SMCHD1: variants seen among roughly 807,000 people sequenced by gnomAD.
SMCHD1 encodes the protein structural maintenance of chromosomes flexible hinge domain-containing protein 1.
A neutral mutation model predicts 254.7 loss-of-function variants in SMCHD1; 78 were observed. The ratio of observed to expected loss-of-function variants is 0.31; its 90% confidence interval spans 0.26 to 0.37. The LOEUF is 0.37. Among genes scored for constraint, SMCHD1 ranks in the 10% least tolerant of loss-of-function variants. SMCHD1 has a pLI of 1.00. For synonymous variants in SMCHD1, 766 were observed against 794.9 expected (o/e 0.96, Z 0.61); for missense variants, 1,840 against 2,408.1 (o/e 0.76, Z 4.94).
At chr18:2,749,888 C>T (rs1381060015) in intron 30 of SMCHD1, among the ~76,000 whole-genome samples, 155 bp from the exon 31 acceptor site, 3 of 152,088 alleles carry the variant, frequency 2.0e-5, no homozygotes, top group Non-Finnish European at 4.4e-5. Flanking sequence ...CTACATTATT[C>T]CAACTAGTTC....
intron 25 of SMCHD1, among the ~76,000 whole-genome samples, chr18:2,734,445 T>G (rs1268815073): frequency 1.3e-5 from 2 of 151,942 alleles, no homozygotes; most frequent in Non-Finnish European, 2.9e-5. Flanking sequence ...CACTTCTTCA[T>G]TGACAGTAAA....
rs866202468 is a variant in SMCHD1 at position 2,680,110 on chromosome 18, T to C, written c.638+5965T>C. On this transcript the variant is annotated intron_variant, in intron 5 of 47. Transcript: ENST00000320876. ...TGAAATACATTTCTTATACTTTCTTTTAGTTCATTAGACATGGTTTCTGTT... is the reference window on the plus strand; with the variant it reads ...TGAAATACATTTCTTATACTTTCTTCTAGTTCATTAGACATGGTTTCTGTT... Among the ~76,000 whole-genome samples the C allele has an allele frequency of 1.1e-4, 17 of 152,352 alleles. No individual in the cohort carries two copies. In the Middle Eastern group the frequency reaches 0.01, roughly 91 times the overall value.
intron 5 of SMCHD1, among the ~76,000 whole-genome samples, chr18:2,682,597 T>C (rs1348952330): frequency 6.6e-6 from 1 of 152,164 alleles, no homozygotes; most frequent in Non-Finnish European, 1.5e-5. Context: ...GCTGGGATTA[T>C]GGGCGTGAGC....
At chr18:2,679,558 C>T (rs2073877484) in intron 5 of SMCHD1, among the ~76,000 whole-genome samples, 1 of 148,678 alleles carries the variant, frequency 6.7e-6, no homozygotes, top group South Asian at 2.1e-4. Context: ...CGTTCACTGC[C>T]TTCTGGCTTT....
intron 5 of SMCHD1, among the ~76,000 whole-genome samples, chr18:2,683,647 T>C (rs2073978066): frequency 6.6e-6 from 1 of 152,214 alleles, no homozygotes; most frequent in Non-Finnish European, 1.5e-5. Context: ...GTTGATGATA[T>C]TATTCATTTC....
At chr18:2,783,326 G>T (rs1466308644) in intron 44 of SMCHD1, among the ~76,000 whole-genome samples, 1 of 152,094 alleles carries the variant, frequency 6.6e-6, no homozygotes, top group Non-Finnish European at 1.5e-5. Context: ...CTTTGAGAAG[G>T]GCTGTCCCAG....
chr18:2,771,720 A>G, intron 40 of SMCHD1, 102 bp downstream of exon 40: 1 of 919,792 alleles, frequency 1.1e-6, no homozygotes, highest in Non-Finnish European at 1.6e-6. Flanking sequence ...TTGTTGTTTT[A>G]GGGTACAAAG....
chr18:2,700,724 T>G lies in SMCHD1; in HGVS notation c.1464-11T>G. ...AATTCTTTTACTAACTAACATTTTG[T>G]TCTGTTCAAGCTTTGACTGGTGTAC... On this transcript the variant is annotated splice_polypyrimidine_tract_variant and intron_variant, in intron 11 of 47. Transcript: ENST00000320876. 6.2e-7 allele frequency: 1 copy of G among 1,607,544 alleles called. No homozygotes were observed. Among genetic ancestry groups the G allele is most frequent in the Non-Finnish European group, 8.5e-7 (1 of 1,177,024 alleles).
chr18:2,772,159 T>C (rs1452192995), intron 40 of SMCHD1, 91 bp from the exon 41 acceptor site: 3 of 1,098,878 alleles, frequency 2.7e-6, no homozygotes, highest in Admixed American at 4.2e-5. Flanking sequence ...TCTTTAGTTA[T>C]CTAAATTGTT....
chr18:2,766,511 A>G (rs2075871922), intron 37 of SMCHD1, among the ~76,000 whole-genome samples: 1 of 152,166 alleles, frequency 6.6e-6, no homozygotes, highest in African/African-American at 2.4e-5. Flanking sequence ...TGCCTCACAT[A>G]TTGATTTAGT....
At chr18:2,736,930 A>T (rs77693501) in intron 25 of SMCHD1, among the ~76,000 whole-genome samples, 4,512 of 152,284 alleles carry the variant, frequency 0.03, 228 homozygotes, top group African/African-American at 0.1. Context: ...CATTTCACCA[A>T]ATATACGTGC....
Position 2,739,514 on chromosome 18 carries a change from G to A in SMCHD1, c.3508G>A (p.Glu1170Lys). ...ACAGATGGGCCAAGAGCTTCAAGGA[G>A]AAGTAGGTTAGTATGGCTTGCTTTA... ...TVQMGQELQG[E>K]VVIIITDQYG... The change falls in exon 27 of 48, where the codon GAA (glutamate) becomes AAA (lysine). Residue 1170 changes from glutamate to lysine, a missense_variant. Glu to Lys is a moderately conservative substitution (Grantham distance 56). This residue lies in a region of SMCHD1 where 881 missense variants were observed against 1,009.5 expected (regional missense o/e 0.87). Transcript: ENST00000320876. 1 of 1,612,226 alleles carries A rather than the reference G, an allele frequency of 6.2e-7. No individual in the cohort carries two copies. Among genetic ancestry groups the A allele is most frequent in the African/African-American group, 1.3e-5 (1 of 74,966 alleles).
At chr18:2,710,884 T>C (rs2074651046) in intron 17 of SMCHD1, among the ~76,000 whole-genome samples, 1 of 152,214 alleles carries the variant, frequency 6.6e-6, no homozygotes, top group Admixed American at 6.5e-5. Context: ...TGAAAGAGTA[T>C]TGTTTTCCCA....
At chr18:2,665,333 T>G (rs964863895) in intron 1 of SMCHD1, among the ~76,000 whole-genome samples, 10 of 152,164 alleles carry the variant, frequency 6.6e-5, no homozygotes, top group African/African-American at 2.4e-4. Context: ...ATTTTTTTTT[T>G]TCTTTGAGAC....
intron 47 of SMCHD1, among the ~76,000 whole-genome samples, chr18:2,800,037 G>C (rs942195134): frequency 2.0e-5 from 3 of 152,066 alleles, no homozygotes; most frequent in African/African-American, 7.2e-5. Flanking sequence ...GAGATAACAG[G>C]ATAGAAACAA....
At chr18:2,800,633 C>T (rs2076344621) in intron 47 of SMCHD1, 1 of 152,136 alleles carries the variant, frequency 6.6e-6, no homozygotes, top group South Asian at 2.1e-4. Flanking sequence ...TCACCATGCT[C>T]GGCCCAACAT....
intron 12 of SMCHD1, among the ~76,000 whole-genome samples, chr18:2,702,526 A>G (rs2074425891): frequency 6.7e-6 from 1 of 149,610 alleles, no homozygotes. Flanking sequence ...TGGTTGTCAG[A>G]CTTTCTGGTT....
intron 40 of SMCHD1, 59 bp downstream of exon 40, chr18:2,771,677 C>T: frequency 7.6e-7 from 1 of 1,316,302 alleles, no homozygotes; most frequent in Non-Finnish European, 1.0e-6. Flanking sequence ...ACAATTTTCT[C>T]AATTATTCAG....
chr18:2,793,666 AAAAAAG>A (rs1348281629), intron 45 of SMCHD1, among the ~76,000 whole-genome samples: 9 of 145,554 alleles, frequency 6.2e-5, no homozygotes, highest in African/African-American at 1.0e-4. Flanking sequence ...CAAAAAAAAA[AAAAAAG>A]AAAGAAAACA....
Sources: allele counts gnomAD v4.1 joint callset (sites outside exome capture counted in the v4.1 genomes callset), GRCh38; gene constraint gnomAD v4.1.1; regional missense constraint gnomAD v4.1.1; transcripts MANE v1.5; gene names NCBI Gene and HGNC (gene_info 2026-07-23, HGNC 2026-07-21).